The following GPATCH1 variants were observed in gnomAD, a reference collection of about 807,000 sequenced individuals.
GPATCH1 encodes the protein G patch domain-containing protein 1.
In GPATCH1, 73 loss-of-function variants were observed where a neutral mutation model predicts 114.9. The observed-to-expected ratio is 0.64, with a 90% CI of 0.53 to 0.77. The LOEUF is 0.77. Among genes scored for constraint, GPATCH1 ranks in the 30% least tolerant of loss-of-function variants. The pLI is 0.00. For missense variants in GPATCH1, 1,058 were observed against 1,144.3 expected (o/e 0.92, Z 1.09); for synonymous variants, 391 against 428.4 (o/e 0.91, Z 1.08).
rs565465021 is a variant in GPATCH1 at position 33,103,949 on chromosome 19, C to T, written c.1080+2375C>T. 7.9e-5 allele frequency among the ~76,000 whole-genome samples: 12 copies of T among 152,186 alleles called. No homozygotes were observed. The East Asian group carries it at 2.3e-3, about 29-fold the overall frequency. On this transcript the variant is annotated intron_variant, in intron 9 of 19. Coordinates refer to ENST00000170564, the MANE Select transcript of GPATCH1 (RefSeq NM_018025.3). ...CAGAGGAGGGCTGTGTTCATCTAGC[C>T]TTTCACACACAGATTTAGATGGTTC...
At chr19:33,101,351 T>C (rs1307656121) in intron 8 of GPATCH1, 144 bp from the exon 9 acceptor site, 7 of 617,628 alleles carry the variant, frequency 1.1e-5, no homozygotes, top group Non-Finnish European at 2.0e-5. Flanking sequence ...CCACTTGTTC[T>C]TCCCTTTACT....
chr19:33,095,850 T>C (rs749222348), intron 6 of GPATCH1, 30 bp downstream of exon 6: 1 of 1,472,782 alleles, frequency 6.8e-7, no homozygotes, highest in Non-Finnish European at 9.5e-7. Context: ...ACCTTCACTT[T>C]GGTACAACAG....
At chr19:33,111,400 A>G (rs1398067952) in intron 11 of GPATCH1, among the ~76,000 whole-genome samples, 1 of 151,036 alleles carries the variant, frequency 6.6e-6, no homozygotes, top group African/African-American at 2.4e-5. Flanking sequence ...AAAAAAAAAA[A>G]AAAAAAGAGA....
intron 17 of GPATCH1, 101 bp from the exon 18 acceptor site, chr19:33,125,004 A>T (rs530601568): frequency 8.0e-7 from 1 of 1,255,294 alleles, no homozygotes; most frequent in African/African-American, 1.5e-5. Context: ...TAAACATTCC[A>T]TCTACACTAG....
chr19:33,093,759 G>A (rs1360744262), intron 4 of GPATCH1, among the ~76,000 whole-genome samples: 1 of 152,170 alleles, frequency 6.6e-6, no homozygotes, highest in Non-Finnish European at 1.5e-5. Flanking sequence ...AGGAATTACA[G>A]TGACTTCTCC....
intron 17 of GPATCH1, among the ~76,000 whole-genome samples, chr19:33,124,097 G>T (rs917610521): frequency 6.6e-6 from 1 of 151,910 alleles, no homozygotes; most frequent in Non-Finnish European, 1.5e-5. Flanking sequence ...CAAGTGATCC[G>T]CCCACCTCAG....
Position 33,097,793 on chromosome 19 carries a change from T to TC in GPATCH1, c.891_892insC (p.Ile298HisfsTer11), listed in dbSNP as rs753288911. 1.1e-5 allele frequency: 18 copies of TC among 1,613,958 alleles called. No homozygotes were observed. Among genetic ancestry groups the TC allele is most frequent in the Non-Finnish European group, 1.5e-5 (18 of 1,179,838 alleles). On this transcript the variant is annotated frameshift_variant, in exon 8 of 20. Coordinates refer to ENST00000170564, the MANE Select transcript of GPATCH1 (RefSeq NM_018025.3). LOFTEE classifies it high-confidence loss of function. ...GTGCCCTGGAAGAGGAAGATGATGA[T>TC]ATCTATGCCACAGAAACTCTATCCA...
chr19:33,125,941 G>A (rs1973036178), intron 18 of GPATCH1, among the ~76,000 whole-genome samples: 1 of 152,158 alleles, frequency 6.6e-6, no homozygotes, highest in Non-Finnish European at 1.5e-5. Context: ...CATCAACCAT[G>A]TCTTCTTTTG....
intron 17 of GPATCH1, among the ~76,000 whole-genome samples, chr19:33,123,750 AAAAT>A (rs1973010495): frequency 6.6e-6 from 1 of 152,160 alleles, no homozygotes; most frequent in Admixed American, 6.5e-5. Flanking sequence ...CCTAAAAAAA[AAAAT>A]AAATAAAGAA....
chr19:33,121,855 C>T (rs1009171490), intron 17 of GPATCH1, among the ~76,000 whole-genome samples: 5 of 152,064 alleles, frequency 3.3e-5, no homozygotes, highest in African/African-American at 1.2e-4. Context: ...ATAAAAATAT[C>T]ATTATTCACT....
intron 2 of GPATCH1, among the ~76,000 whole-genome samples, chr19:33,089,696 C>T (rs951223028): frequency 2.0e-5 from 3 of 148,298 alleles, no homozygotes; most frequent in African/African-American, 7.5e-5. Flanking sequence ...CCTCGGCTCA[C>T]TTCAACCTCC....
intron 5 of GPATCH1, among the ~76,000 whole-genome samples, 162 bp downstream of exon 5, chr19:33,094,431 C>T (rs1057417283): frequency 1.3e-5 from 2 of 152,142 alleles, no homozygotes; most frequent in Non-Finnish European, 2.9e-5. Context: ...CCACGTTAGC[C>T]CCGCAAGTAG....
intron 8 of GPATCH1, among the ~76,000 whole-genome samples, chr19:33,100,443 C>T (rs929221161): frequency 7.2e-5 from 11 of 151,950 alleles, no homozygotes; most frequent in Admixed American, 5.9e-4. Flanking sequence ...CAAAAATTAG[C>T]TGGGTGTGGT....
intron 17 of GPATCH1, among the ~76,000 whole-genome samples, chr19:33,120,266 T>A (rs1972965550): frequency 2.0e-5 from 1 of 49,192 alleles, no homozygotes; most frequent in South Asian, 1.2e-3. Flanking sequence ...ATTTTTTATA[T>A]ATAACAATTA....
At chr19:33,096,122 A>T in intron 6 of GPATCH1, 85 bp from the exon 7 acceptor site, 1 of 1,355,642 alleles carries the variant, frequency 7.4e-7, no homozygotes, top group Non-Finnish European at 1.0e-6. Context: ...GTGTGGCATT[A>T]ATCACTGCGT....
intron 5 of GPATCH1, among the ~76,000 whole-genome samples, 160 bp from the exon 6 acceptor site, chr19:33,095,602 A>G (rs1972648128): frequency 6.6e-6 from 1 of 150,586 alleles, no homozygotes; most frequent in Non-Finnish European, 1.5e-5. Context: ...GAATCTCACT[A>G]TGTTACCCAG....
chr19:33,103,822 A>G (rs1394971066), intron 9 of GPATCH1, among the ~76,000 whole-genome samples: 2 of 152,200 alleles, frequency 1.3e-5, no homozygotes, highest in African/African-American at 4.8e-5. Flanking sequence ...AAGGTAGCAG[A>G]TACACAAATA....
intron 8 of GPATCH1, among the ~76,000 whole-genome samples, chr19:33,099,757 C>G (rs1233355863): frequency 5.3e-5 from 8 of 150,414 alleles, no homozygotes; most frequent in Non-Finnish European, 1.2e-4. Context: ...CACCACCACG[C>G]CCAGCTAATT....
chr19:33,101,815 A>T (rs957981649), intron 9 of GPATCH1, among the ~76,000 whole-genome samples: 4 of 151,924 alleles, frequency 2.6e-5, no homozygotes, highest in Non-Finnish European at 4.4e-5. Flanking sequence ...GGATCACCTG[A>T]GGTCGGGAGT....
Sources: gnomAD v4.1 joint callset for allele counts (sites outside exome capture counted in the v4.1 genomes callset) on GRCh38, gnomAD v4.1.1 for gene constraint, MANE v1.5 for transcripts, NCBI Gene and HGNC (gene_info 2026-07-23, HGNC 2026-07-21) for gene names.